Variants in ARHGEF18 observed in about 807,000 individuals in gnomAD.
The protein encoded by ARHGEF18 is Rho/Rac guanine nucleotide exchange factor 18.
Under a neutral mutation model 155.7 loss-of-function variants are expected in ARHGEF18, and 93 were observed. The observed-to-expected ratio is 0.60, with a 90% CI of 0.50 to 0.71. The LOEUF is 0.71. Ranked by LOEUF, ARHGEF18 falls within the 30% of genes least tolerant of loss-of-function variation. The probability of loss-of-function intolerance (pLI) is 0.00; values close to 1 mark genes in which losing one functional copy is unlikely to be tolerated. For missense variants in ARHGEF18, 1,593 were observed against 1,816.1 expected, an observed-to-expected ratio of 0.88 and a Z score of 2.23; for synonymous variants, 742 against 753.1, an observed-to-expected ratio of 0.99 and a Z score of 0.24.
At chr19:7,391,118 C>T (rs1971378785) in intron 10 of ARHGEF18, among the ~76,000 whole-genome samples, 1 of 152,194 alleles carries the variant, frequency 6.6e-6, no homozygotes, top group Admixed American at 6.5e-5. Flanking sequence ...AACCCCTCCC[C>T]ACCTGTGTCA....
At chr19:7,466,385 A>C (rs1385569001) in intron 23 of ARHGEF18, among the ~76,000 whole-genome samples, 1 of 150,274 alleles carries the variant, frequency 6.7e-6, no homozygotes. Context: ...CCATCTCAAA[A>C]AAAAAAAAAA....
chr19:7,379,907 A>C (rs10423520), intron 7 of ARHGEF18, among the ~76,000 whole-genome samples: 5,035 of 151,758 alleles, frequency 0.033, 290 homozygotes, highest in African/African-American at 0.12. Context: ...GCTCATGCCT[A>C]TGATCCCAGC....
chr19:7,353,141 G>A (rs181374166), intron 1 of ARHGEF18, among the ~76,000 whole-genome samples: 24 of 151,818 alleles, frequency 1.6e-4, no homozygotes, highest in Non-Finnish European at 3.1e-4. Context: ...TGGCCCCTAG[G>A]TTTCCTTTCT....
At chr19:7,414,943 C>G (rs1165812428) in intron 10 of ARHGEF18, among the ~76,000 whole-genome samples, 1 of 151,798 alleles carries the variant, frequency 6.6e-6, no homozygotes, top group Admixed American at 6.6e-5. Flanking sequence ...TGCAGTGACC[C>G]GAGATCGTGC....
At chr19:7,394,981 A>G in intron 10 of ARHGEF18, 1 of 922,042 alleles carries the variant, frequency 1.1e-6, no homozygotes, top group Non-Finnish European at 1.3e-6. Flanking sequence ...GGCCGAGCCG[A>G]CGCCCCCTCA....
Position 7,466,906 on chromosome 19 carries a change from T to G in ARHGEF18, c.2905-12T>G. On this transcript the variant is annotated splice_polypyrimidine_tract_variant and intron_variant, in intron 23 of 28. Transcript: ENST00000668164. ...AGCCACTCTCTCTGGTTTGACGGTGTCCTCTTCCCAGGTGGAGGCGCCAGG... is the reference window on the plus strand; with the variant it reads ...AGCCACTCTCTCTGGTTTGACGGTGGCCTCTTCCCAGGTGGAGGCGCCAGG... 1 of 1,612,710 alleles carries G rather than the reference T, an allele frequency of 6.2e-7. No homozygotes were observed. The highest frequency in any genetic ancestry group is 8.5e-7 in the Non-Finnish European group (1 of 1,179,910).
At chr19:7,466,874 G>C (rs1976654913) in intron 23 of ARHGEF18, 44 bp from the exon 24 acceptor site, 4 of 1,560,744 alleles carry the variant, frequency 2.6e-6, no homozygotes, top group Non-Finnish European at 3.5e-6. Context: ...TAGTCGGATG[G>C]GTCTTGAGCC....
intron 2 of ARHGEF18, among the ~76,000 whole-genome samples, chr19:7,367,758 A>T (rs60331233): frequency 0.77 from 57,650 of 74,838 alleles, 23,681 homozygotes; most frequent in Middle Eastern, 0.93. Flanking sequence ...AAAAAAAAAA[A>T]ATATATATAT....
chr19:7,366,670 G>A (rs1406374756), intron 2 of ARHGEF18, among the ~76,000 whole-genome samples: 1 of 152,200 alleles, frequency 6.6e-6, no homozygotes, highest in Admixed American at 6.5e-5. Context: ...TTAGCTCCAT[G>A]AGGACAGGGG....
At position 7,459,909 on chromosome 19, in the gene ARHGEF18, T is replaced by C; in HGVS notation, c.2367T>C (p.Pro789=). 1.3e-6 allele frequency: 2 copies of C among 1,575,536 alleles called. No individual in the cohort carries two copies. Among genetic ancestry groups the C allele is most frequent in the Non-Finnish European group, 8.6e-7 (1 of 1,160,350 alleles). ...CCGACTCCTCTCCCTGCAGCTGCCC[T>C]GACGAGGAGGAGGGGCCCTTCAGCC... The part of the protein sequence containing the change: ...AHIQRAVESC[P]DEEEGPFSLP... Residue 789 remains proline (P), a synonymous_variant, in exon 20 of 29, where the codon CCT becomes CCC. Coordinates refer to ENST00000668164, the MANE Select transcript of ARHGEF18 (RefSeq NM_001367823.1).
At chr19:7,355,063 G>A (rs1969249854) in intron 1 of ARHGEF18, among the ~76,000 whole-genome samples, 1 of 147,006 alleles carries the variant, frequency 6.8e-6, no homozygotes, top group Non-Finnish European at 1.5e-5. Context: ...GGATACCAAT[G>A]GGCTTCACAC....
chr19:7,411,158 C>T (rs1389292460), intron 10 of ARHGEF18, among the ~76,000 whole-genome samples: 2 of 152,092 alleles, frequency 1.3e-5, no homozygotes, highest in Non-Finnish European at 2.9e-5. Flanking sequence ...GAGACCTGGC[C>T]TTAGGCACTT....
At position 7,379,387 on chromosome 19, in the gene ARHGEF18, C is replaced by T. The variant is rs556581655; in HGVS notation, c.644+221C>T. Among the ~76,000 whole-genome samples, 4 of 152,058 alleles carry T rather than the reference C, an allele frequency of 2.6e-5. No individual in the cohort carries two copies. The South Asian group carries it at 6.2e-4, about 24-fold the overall frequency. ...CAGCCTGGCCAACATGGCGAAACCT[C>T]GTCTCTACTCAAAATACAAAAATTA... On this transcript the variant is annotated intron_variant, in intron 7 of 28. Coordinates refer to ENST00000668164, the MANE Select transcript of ARHGEF18 (RefSeq NM_001367823.1).
At chr19:7,382,414 C>CTAAA (rs755369531) in intron 8 of ARHGEF18, among the ~76,000 whole-genome samples, 53 of 110,456 alleles carry the variant, frequency 4.8e-4, no homozygotes, top group African/African-American at 1.0e-3. Flanking sequence ...AACAAAATAA[C>CTAAA]TAAATAAATA....
At chr19:7,368,002 G>GAGAGAGAGAGA (rs1970012342) in intron 2 of ARHGEF18, among the ~76,000 whole-genome samples, 3 of 32,450 alleles carry the variant, frequency 9.2e-5, no homozygotes, top group Admixed American at 3.1e-4. Flanking sequence ...AGAGAGAGAG[G>GAGAGAGAGAGA]GAGGGAGGGA....
chr19:7,419,704 G>T (rs1253830700), intron 10 of ARHGEF18, among the ~76,000 whole-genome samples: 1 of 152,094 alleles, frequency 6.6e-6, no homozygotes, highest in Non-Finnish European at 1.5e-5. Context: ...CTGCCGTCTT[G>T]AGCACTGAGT....
chr19:7,395,088 G>A lies in ARHGEF18; in HGVS notation c.967+11885G>A, dbSNP rs1971614406. 1.0e-6 allele frequency: 1 copy of A among 985,498 alleles called. No homozygotes were observed. The highest frequency in any genetic ancestry group is 1.2e-6 in the Non-Finnish European group (1 of 829,960). 61.0% of individuals were successfully genotyped at this position (985,498 alleles called of 1,614,324 possible). ...TCACGCCCTCTGCCCCGCCTCCGAG[G>A]CGGGATCGCGCATGCGCTGCTCTCC... On this transcript the variant is annotated intron_variant, in intron 10 of 28. Transcript: ENST00000668164. This position sits in a 1 kb window ranked among gnomAD's most constrained non-coding sequence, Gnocchi z 5.0.
chr19:7,378,376 A>G lies in ARHGEF18; in HGVS notation c.542-18A>G, dbSNP rs1325916812. ...GCTCCTGACAACTGTGCTTCCTGGG[A>G]TGGGGGGCTTCTTCCAGGCCTGGAA... On this transcript the variant is annotated intron_variant, in intron 5 of 28. Coordinates refer to ENST00000668164, the MANE Select transcript of ARHGEF18 (RefSeq NM_001367823.1). The G allele has an allele frequency of 8.1e-6, 10 of 1,233,994 alleles. No individual in the cohort carries two copies. Among genetic ancestry groups the G allele is most frequent in the Non-Finnish European group, 1.0e-5 (10 of 988,144 alleles). 76.4% of individuals were successfully genotyped at this position (1,233,994 alleles called of 1,614,324 possible). A position where few individuals can be genotyped will look rare whatever the true frequency, so the allele number is the denominator to read the frequency against.
chr19:7,382,959 C>T, intron 9 of ARHGEF18, 65 bp downstream of exon 9: 1 of 1,232,406 alleles, frequency 8.1e-7, no homozygotes, highest in East Asian at 3.2e-5. Context: ...TGCCCTTAGC[C>T]CGGGAGCCCT....
Sources: gnomAD v4.1 joint callset for allele counts (sites outside exome capture counted in the v4.1 genomes callset) on GRCh38, gnomAD v4.1.1 for gene constraint, Gnocchi (gnomAD v3.1) non-coding constraint, MANE v1.5 for transcripts, NCBI Gene and HGNC (gene_info 2026-07-23, HGNC 2026-07-21) for gene names.